PRKCA: variants seen among roughly 807,000 people sequenced by gnomAD.
PRKCA encodes the protein protein kinase C alpha.
Under a neutral mutation model 87.0 loss-of-function variants are expected in PRKCA, and 27 were observed. The observed-to-expected ratio is 0.31, with a 90% CI of 0.23 to 0.43. The LOEUF (loss-of-function observed/expected upper bound fraction) is 0.43. Ranked by LOEUF, PRKCA falls within the 20% of genes least tolerant of loss-of-function variation. The pLI, the probability that PRKCA is intolerant of heterozygous loss-of-function variation, is 1.00. For missense variants in PRKCA, 518 were observed against 852.3 expected, an observed-to-expected ratio of 0.61 and a Z score of 4.88; for synonymous variants, 329 against 311.1, an observed-to-expected ratio of 1.06 and a Z score of -0.61.
rs190400698 is a variant in PRKCA at position 66,370,917 on chromosome 17, G to T, written c.205+64790G>T. The stretch of plus-strand genomic sequence containing the variant: ...TCAAACCCAGAGTGTAATCTCATAG[G>T]TGCTGTATTATACAGATAAGCTAGA... On this transcript the variant is annotated intron_variant, in intron 2 of 16. Transcript: ENST00000413366. Among the ~76,000 whole-genome samples the T allele has an allele frequency of 1.3e-3, 198 of 152,248 alleles. 1 individual carries two copies. The highest frequency in any genetic ancestry group is 4.5e-3 in the Admixed American group (69 of 15,288).
chr17:66,441,639 GT>G (rs1326816192), intron 2 of PRKCA, among the ~76,000 whole-genome samples: 3 of 152,320 alleles, frequency 2.0e-5, no homozygotes, highest in African/African-American at 7.2e-5. Context: ...CTGAGTGGAA[GT>G]CAATGCCTGT....
intron 2 of PRKCA, among the ~76,000 whole-genome samples, chr17:66,396,303 G>T (rs115483846): frequency 0.011 from 1,683 of 152,264 alleles, 39 homozygotes; most frequent in African/African-American, 0.039. Flanking sequence ...AATTAGACTT[G>T]TGGGAAGGAG....
At chr17:66,677,485 CTT>C (rs1275553978) in intron 5 of PRKCA, 1 of 152,250 alleles carries the variant, frequency 6.6e-6, no homozygotes, top group African/African-American at 2.4e-5. Flanking sequence ...GCAGTAGAGA[CTT>C]TGTGACCTGC....
At chr17:66,418,000 C>G (rs1019004898) in intron 2 of PRKCA, among the ~76,000 whole-genome samples, 8 of 152,146 alleles carry the variant, frequency 5.3e-5, no homozygotes, top group Non-Finnish European at 7.3e-5. Context: ...CCCAAATTAG[C>G]CATGTTTGAG....
intron 2 of PRKCA, among the ~76,000 whole-genome samples, chr17:66,471,900 A>G (rs1915343620): frequency 6.6e-6 from 1 of 152,154 alleles, no homozygotes; most frequent in Non-Finnish European, 1.5e-5. Context: ...TGCATATTTA[A>G]GTACTATAAA....
intron 2 of PRKCA, among the ~76,000 whole-genome samples, chr17:66,475,953 G>A (rs1402718928): frequency 6.6e-6 from 1 of 152,148 alleles, no homozygotes; most frequent in African/African-American, 2.4e-5. Context: ...CTGGAACACA[G>A]TGGTGCGATC....
chr17:66,379,211 A>G (rs11079654), intron 2 of PRKCA, among the ~76,000 whole-genome samples: 77,200 of 152,024 alleles, frequency 0.51, 21,802 homozygotes, highest in Non-Finnish European at 0.64. Context: ...TCTGTGGTTA[A>G]CATTTTAAGG....
chr17:66,494,784 C>T (rs1410655419), intron 2 of PRKCA, among the ~76,000 whole-genome samples: 1 of 152,004 alleles, frequency 6.6e-6, no homozygotes, highest in African/African-American at 2.4e-5. Flanking sequence ...TTTTTGCGTC[C>T]TCTATCTTAT....
At chr17:66,353,152 C>A (rs1028356050) in intron 2 of PRKCA, among the ~76,000 whole-genome samples, 4 of 152,136 alleles carry the variant, frequency 2.6e-5, no homozygotes. Flanking sequence ...CTAATAAAGT[C>A]CCCTGGTTAA....
intron 8 of PRKCA, among the ~76,000 whole-genome samples, chr17:66,693,608 C>T (rs983720921): frequency 1.1e-4 from 17 of 152,146 alleles, no homozygotes; most frequent in Non-Finnish European, 8.8e-5. Context: ...TTGGTCTCTG[C>T]TCCCTGTGAT....
intron 3 of PRKCA, among the ~76,000 whole-genome samples, chr17:66,544,880 A>G (rs1968097884): frequency 6.6e-6 from 1 of 152,154 alleles, no homozygotes. Context: ...GGCATGAGCC[A>G]CCATGTCCGA....
At chr17:66,795,604 T>C (rs1337760472) in intron 16 of PRKCA, among the ~76,000 whole-genome samples, 1 of 152,204 alleles carries the variant, frequency 6.6e-6, no homozygotes, top group Non-Finnish European at 1.5e-5. Context: ...TTTAAACTAA[T>C]AATATAAATA....
chr17:66,304,425 CTCT>C (rs1440268416), intron 1 of PRKCA, among the ~76,000 whole-genome samples: 2 of 152,176 alleles, frequency 1.3e-5, no homozygotes, highest in Admixed American at 1.3e-4. Flanking sequence ...ACTCTTCTAC[CTCT>C]TCTTTGTGGT....
chr17:66,763,061 G>T (rs1293541310), intron 13 of PRKCA, among the ~76,000 whole-genome samples: 1 of 152,200 alleles, frequency 6.6e-6, no homozygotes, highest in African/African-American at 2.4e-5. Context: ...AAAGTGCTGG[G>T]ATTACAGGCA....
chr17:66,669,284 A>G (rs1481405440), intron 5 of PRKCA, among the ~76,000 whole-genome samples: 1 of 152,188 alleles, frequency 6.6e-6, no homozygotes, highest in African/African-American at 2.4e-5. Flanking sequence ...AATTTATAGT[A>G]CATAATTAAA....
At chr17:66,496,754 C>T (rs954484603) in intron 3 of PRKCA, among the ~76,000 whole-genome samples, 5 of 151,864 alleles carry the variant, frequency 3.3e-5, no homozygotes, top group Non-Finnish European at 7.4e-5. Flanking sequence ...AGCGATTTTC[C>T]TGCCTCAGCC....
Position 66,776,107 on chromosome 17 carries a change from C to G in PRKCA, c.1605+2040C>G, listed in dbSNP as rs528923482. Among the ~76,000 whole-genome samples, 28 of 152,326 alleles carry G rather than the reference C, an allele frequency of 1.8e-4. No homozygotes were observed. The South Asian group carries it at 3.7e-3, about 20-fold the overall frequency. On this transcript the variant is annotated intron_variant, in intron 14 of 16. Transcript: ENST00000413366. The stretch of plus-strand genomic sequence containing the variant: ...TGCAGCCACGTTTAAGAAATGGAAG[C>G]TCCCAGCAGGGCTAGAGCAGAATTG...
At position 66,459,125 on chromosome 17, in the gene PRKCA, C is replaced by A. The variant is rs916696895; in HGVS notation, c.206-37076C>A. 5.9e-5 allele frequency among the ~76,000 whole-genome samples: 9 copies of A among 151,450 alleles called. No individual in the cohort carries two copies. In the South Asian group the frequency reaches 1.9e-3, roughly 31 times the overall value. On this transcript the variant is annotated intron_variant, in intron 2 of 16. Coordinates refer to ENST00000413366, the MANE Select transcript of PRKCA (RefSeq NM_002737.3). ...CACTGGCTTACGCCTGTAATCCTAA[C>A]ACTTTGGGAGATTGAGGTGGGTGGA...
rs1356968028 is a variant in PRKCA at position 66,450,322 on chromosome 17, G to A, written c.206-45879G>A. ...TGGAAGAGAGACACAGTCCCTCTTA[G>A]TCACAGTCTCCTTGTCTGGAAGTAG... On this transcript the variant is annotated intron_variant, in intron 2 of 16. Coordinates refer to ENST00000413366, the MANE Select transcript of PRKCA (RefSeq NM_002737.3). Among the ~76,000 whole-genome samples the A allele has an allele frequency of 1.3e-5, 2 of 152,198 alleles. 1 individual carries two copies. Among genetic ancestry groups the A allele is most frequent in the Non-Finnish European group, 2.9e-5 (2 of 68,030 alleles).
Sources: gnomAD v4.1 joint callset for allele counts (sites outside exome capture counted in the v4.1 genomes callset) on GRCh38, gnomAD v4.1.1 for gene constraint, MANE v1.5 for transcripts, NCBI Gene and HGNC (gene_info 2026-07-23, HGNC 2026-07-21) for gene names.